FAM184A: variants seen among roughly 807,000 people sequenced by gnomAD.
The protein encoded by FAM184A is protein FAM184A.
FAM184A carries 99 observed loss-of-function variants against 143.8 expected under a neutral mutation model. The ratio of observed to expected loss-of-function variants is 0.69; its 90% CI spans 0.58 to 0.81. FAM184A has a LOEUF of 0.81. FAM184A is among the 40% of genes least tolerant of loss of function. The probability of loss-of-function intolerance (pLI) is 0.00; values close to 1 mark genes in which losing one functional copy is unlikely to be tolerated. For synonymous variants in FAM184A, 427 were observed against 446.4 expected, an observed-to-expected ratio of 0.96 and a Z score of 0.55; for missense variants, 1,217 against 1,310.5, an observed-to-expected ratio of 0.93 and a Z score of 1.10.
At chr6:118,991,019 TTATACATTTATTTAAAAC>T (rs1464935311) in intron 9 of FAM184A, among the ~76,000 whole-genome samples, 1 of 151,938 alleles carries the variant, frequency 6.6e-6, no homozygotes, top group Non-Finnish European at 1.5e-5. Context: ...TGTATAAATT[TTATACATTTATTTAAAAC>T]AAATGTATAA....
At chr6:119,033,675 A>AAAAG (rs1170606039) in intron 1 of FAM184A, among the ~76,000 whole-genome samples, 1 of 148,294 alleles carries the variant, frequency 6.7e-6, no homozygotes, top group Admixed American at 6.7e-5. Context: ...AAAAAAAAAA[A>AAAAG]AAAGAAAGAA....
At chr6:119,053,642 C>T (rs1414278094) in intron 1 of FAM184A, among the ~76,000 whole-genome samples, 1 of 152,044 alleles carries the variant, frequency 6.6e-6, no homozygotes, top group Non-Finnish European at 1.5e-5. Flanking sequence ...ACTAAGTGGC[C>T]CTTTAAAAAG....
chr6:119,048,292 T>C (rs964139628), intron 1 of FAM184A, among the ~76,000 whole-genome samples: 36 of 152,174 alleles, frequency 2.4e-4, no homozygotes, highest in Non-Finnish European at 3.1e-4. Flanking sequence ...GGGCAAAAGC[T>C]GGAAGCATTT....
At chr6:118,963,000 C>G (rs1261385467) in intron 16 of FAM184A, 2 of 151,844 alleles carry the variant, frequency 1.3e-5, no homozygotes, top group Admixed American at 1.3e-4. Context: ...AAACATTTTC[C>G]TCTGTCATAT....
At chr6:119,132,234 T>C (rs1789551947) in intron 1 of FAM184A, among the ~76,000 whole-genome samples, 1 of 152,232 alleles carries the variant, frequency 6.6e-6, no homozygotes, top group Non-Finnish European at 1.5e-5. Context: ...ATAATCAATT[T>C]ACACTGTTAG....
At chr6:119,070,442 T>C (rs1209214900) in intron 1 of FAM184A, among the ~76,000 whole-genome samples, 1 of 152,146 alleles carries the variant, frequency 6.6e-6, no homozygotes, top group Non-Finnish European at 1.5e-5. Flanking sequence ...TATATATTAA[T>C]TGATTGGCAG....
At chr6:118,975,413 T>C (rs1288907693) in intron 12 of FAM184A, among the ~76,000 whole-genome samples, 1 of 152,232 alleles carries the variant, frequency 6.6e-6, no homozygotes, top group Non-Finnish European at 1.5e-5. Flanking sequence ...GCTTCAATAA[T>C]GTCAGATTAC....
chr6:118,996,785 G>A (rs1357407858), intron 9 of FAM184A, among the ~76,000 whole-genome samples: 2 of 151,804 alleles, frequency 1.3e-5, no homozygotes, highest in Non-Finnish European at 2.9e-5. Context: ...TGTGATCTCG[G>A]CTCACTGCAG....
Position 119,019,984 on chromosome 6 carries a change from CA to C in FAM184A, c.1325del (p.Leu442ArgfsTer5). On this transcript the variant is annotated frameshift_variant, in exon 4 of 18. Transcript: ENST00000338891. LOFTEE classifies it high-confidence loss of function. ...DEEQKQQILE[L>X]EKKVNEAKRT... The stretch of plus-strand genomic sequence containing the variant: ...AGTGTCCATTACTTTTTACCTTCTC[CA>C]GTTCTAGAATCTGTTGCTTCTGCTC... The C allele has an allele frequency of 1.3e-6, 2 of 1,563,074 alleles. No homozygotes were observed. Among genetic ancestry groups the C allele is most frequent in the Non-Finnish European group, 1.7e-6 (2 of 1,160,826 alleles).
At chr6:119,007,012 C>A (rs1245171828) in intron 6 of FAM184A, among the ~76,000 whole-genome samples, 1 of 152,152 alleles carries the variant, frequency 6.6e-6, no homozygotes, top group Non-Finnish European at 1.5e-5. Flanking sequence ...GTCCATATCT[C>A]CTGCTATTTG....
chr6:119,017,846 T>C (rs377326040), intron 4 of FAM184A, among the ~76,000 whole-genome samples: 3 of 152,186 alleles, frequency 2.0e-5, no homozygotes, highest in South Asian at 2.1e-4. Flanking sequence ...CAATAATGAG[T>C]GAGCTCTCAC....
At chr6:118,974,906 C>T in intron 13 of FAM184A, 118 bp downstream of exon 13, 1 of 723,038 alleles carries the variant, frequency 1.4e-6, no homozygotes, top group Non-Finnish European at 2.2e-6. Context: ...AAAAAGAGGT[C>T]TTCAATATTT....
At chr6:119,058,430 T>A (rs1167397910) in intron 1 of FAM184A, among the ~76,000 whole-genome samples, 1 of 152,036 alleles carries the variant, frequency 6.6e-6, no homozygotes, top group Non-Finnish European at 1.5e-5. Context: ...CTCAAACTCC[T>A]GACTTCAGGT....
chr6:119,064,806 CT>C (rs1233143910), intron 1 of FAM184A, among the ~76,000 whole-genome samples: 2 of 152,190 alleles, frequency 1.3e-5, no homozygotes, highest in African/African-American at 4.8e-5. Flanking sequence ...CTGGTCAGCT[CT>C]TTCCTTCTCT....
intron 1 of FAM184A, among the ~76,000 whole-genome samples, chr6:119,107,445 G>T (rs766593202): frequency 6.6e-6 from 1 of 152,162 alleles, no homozygotes; most frequent in African/African-American, 2.4e-5. Context: ...GCAAAAAAGA[G>T]TCTTACATAA....
chr6:118,966,915 AT>A lies in FAM184A; in HGVS notation c.2952del (p.Glu984AspfsTer9). The A allele has an allele frequency of 6.3e-7, 1 of 1,577,742 alleles. No individual in the cohort carries two copies. Among genetic ancestry groups the A allele is most frequent in the Non-Finnish European group, 8.7e-7 (1 of 1,151,232 alleles). On this transcript the variant is annotated frameshift_variant, in exon 15 of 18. Transcript: ENST00000338891. LOFTEE classifies it high-confidence loss of function. ...EEMEEKYLMR[E>X]SKPEDIQMIT... The stretch of plus-strand genomic sequence containing the variant: ...ATCATCTGTATATCTTCTGGTTTTG[AT>A]TCTCTCATTAGATATTTTTCTTCCA...
Position 118,964,673 on chromosome 6 carries a change from C to A in FAM184A, c.3132G>T (p.Leu1044Phe), listed in dbSNP as rs1235040140. 7.0e-6 allele frequency: 11 copies of A among 1,578,904 alleles called. No homozygotes were observed. The highest frequency in any genetic ancestry group is 9.6e-6 in the Non-Finnish European group (11 of 1,150,962). Residue 1044 changes from leucine (L) to phenylalanine (F), a missense_variant, in exon 16 of 18, where the codon TTG becomes TTT. By Grantham distance (22) the Leu-to-Phe change is conservative (BLOSUM62 0). Coordinates refer to ENST00000338891, the MANE Select transcript of FAM184A (RefSeq NM_024581.6). ...CAGTGTTTACGGCACATACCTTAGCCAATGGATTAATAACACCAACAGTAG... is the reference window on the plus strand; with the variant it reads ...CAGTGTTTACGGCACATACCTTAGCAAATGGATTAATAACACCAACAGTAG... The part of the protein sequence containing the change: ...SSPTVGVINP[L>F]AKQKKKNDKS...
chr6:119,130,072 C>T (rs1789494297), intron 1 of FAM184A, among the ~76,000 whole-genome samples: 1 of 151,978 alleles, frequency 6.6e-6, no homozygotes, highest in Non-Finnish European at 1.5e-5. Context: ...AGGTGAAATA[C>T]TTGGAGATTG....
chr6:119,119,822 T>TA (rs1292138453), intron 1 of FAM184A, among the ~76,000 whole-genome samples: 1 of 151,544 alleles, frequency 6.6e-6, no homozygotes, highest in Non-Finnish European at 1.5e-5. Flanking sequence ...TACAAAAAAA[T>TA]AAAAAAATAA....
Sources: allele counts gnomAD v4.1 joint callset (sites outside exome capture counted in the v4.1 genomes callset), GRCh38; gene constraint gnomAD v4.1.1; transcripts MANE v1.5; gene names NCBI Gene and HGNC (gene_info 2026-07-23, HGNC 2026-07-21).